Variants in MDGA2 observed in about 807,000 individuals in gnomAD.
MDGA2 encodes the protein MAM domain-containing glycosylphosphatidylinositol anchor protein 2.
Under a neutral mutation model 117.8 loss-of-function variants are expected in MDGA2, and 40 were observed. The ratio of observed to expected loss-of-function variants is 0.34; its 90% CI spans 0.26 to 0.44. The LOEUF (loss-of-function observed/expected upper bound fraction) is 0.44. Among genes scored for constraint, MDGA2 ranks in the 20% least tolerant of loss-of-function variants. MDGA2 has a pLI of 1.00. For missense variants in MDGA2, 1,123 were observed against 1,250.6 expected (o/e 0.90, Z 1.54); for synonymous variants, 452 against 439.0 (o/e 1.03, Z -0.37).
chr14:47,435,458 A>C (rs1013588514), intron 1 of MDGA2, among the ~76,000 whole-genome samples: 1 of 152,082 alleles, frequency 6.6e-6, no homozygotes, highest in African/African-American at 2.4e-5. Context: ...GGCATGGACC[A>C]CAGCAGCATG....
At chr14:47,247,987 T>C (rs1389613591) in intron 2 of MDGA2, among the ~76,000 whole-genome samples, 1 of 151,576 alleles carries the variant, frequency 6.6e-6, no homozygotes, top group African/African-American at 2.4e-5. Flanking sequence ...TCCTTTTTTT[T>C]ATGGATGCAT....
intron 6 of MDGA2, among the ~76,000 whole-genome samples, chr14:47,084,333 A>T (rs1416313101): frequency 6.6e-6 from 1 of 152,128 alleles, no homozygotes; most frequent in Non-Finnish European, 1.5e-5. Context: ...ATTAAAAAAC[A>T]AACACACTGA....
At chr14:47,430,005 G>A (rs1892767258) in intron 1 of MDGA2, among the ~76,000 whole-genome samples, 1 of 149,574 alleles carries the variant, frequency 6.7e-6, no homozygotes, top group African/African-American at 2.5e-5. Flanking sequence ...CCTGAGGTGG[G>A]AAAGAGAGGA....
intron 1 of MDGA2, among the ~76,000 whole-genome samples, chr14:47,405,623 C>A (rs577692958): frequency 6.6e-6 from 1 of 152,272 alleles, no homozygotes. Context: ...CAGAGTCTTT[C>A]CAAATACCTT....
At chr14:47,323,153 T>G (rs1385064981) in intron 1 of MDGA2, among the ~76,000 whole-genome samples, 3 of 18,272 alleles carry the variant, frequency 1.6e-4, no homozygotes, top group African/African-American at 2.6e-4. Flanking sequence ...GTCATGGATA[T>G]ATATATATAT....
At chr14:47,033,993 AAAAG>A (rs1361652120) in intron 8 of MDGA2, among the ~76,000 whole-genome samples, 1 of 152,260 alleles carries the variant, frequency 6.6e-6, no homozygotes, top group Non-Finnish European at 1.5e-5. Flanking sequence ...CCTGAGTTAC[AAAAG>A]AGTCAGACAA....
intron 1 of MDGA2, among the ~76,000 whole-genome samples, chr14:47,507,726 A>G (rs1445821612): frequency 6.6e-6 from 1 of 152,234 alleles, no homozygotes; most frequent in Non-Finnish European, 1.5e-5. Context: ...TAATACTTCT[A>G]TGGATCTTAT....
At chr14:47,328,081 C>G (rs1890194213) in intron 1 of MDGA2, among the ~76,000 whole-genome samples, 1 of 152,140 alleles carries the variant, frequency 6.6e-6, no homozygotes, top group Admixed American at 6.6e-5. Context: ...ACTGTTCTTC[C>G]TATGATAATC....
At chr14:47,186,923 A>G (rs1368889117) in intron 3 of MDGA2, among the ~76,000 whole-genome samples, 5 of 151,930 alleles carry the variant, frequency 3.3e-5, no homozygotes, top group South Asian at 2.1e-4. Context: ...ATGAGTTTAT[A>G]ATCATTTGTT....
At chr14:47,596,429 C>T (rs902721214) in intron 1 of MDGA2, among the ~76,000 whole-genome samples, 2 of 152,082 alleles carry the variant, frequency 1.3e-5, no homozygotes, top group African/African-American at 2.4e-5. Flanking sequence ...AGGCTTATTT[C>T]CATATTTATG....
At chr14:47,399,846 G>C (rs1477713423) in intron 1 of MDGA2, among the ~76,000 whole-genome samples, 2 of 152,070 alleles carry the variant, frequency 1.3e-5, no homozygotes, top group Admixed American at 6.6e-5. Flanking sequence ...TTAGAGGAAA[G>C]AAAAGTCACC....
chr14:47,263,627 T>C (rs1400390638), intron 2 of MDGA2, among the ~76,000 whole-genome samples: 1 of 152,136 alleles, frequency 6.6e-6, no homozygotes, highest in Non-Finnish European at 1.5e-5. Flanking sequence ...AATAGATTAA[T>C]CTGCATTGGA....
rs140900000 is a variant in MDGA2, at chr14:47,320,079, T to C, written c.281-18529A>G. ...AGGGGAGAGGTTTGAAGCAGATTCT[T>C]CCTTACAGCCCTCAGAAGAAACCAA... On this transcript the variant is annotated intron_variant, in intron 1 of 16. Transcript: ENST00000399232. Among the ~76,000 whole-genome samples the C allele has an allele frequency of 7.4e-3, 1,132 of 152,248 alleles. 11 individuals carry two copies. Among genetic ancestry groups the C allele is most frequent in the South Asian group, 0.038 (181 of 4,814 alleles).
At chr14:47,588,437 C>A (rs1463230561) in intron 1 of MDGA2, among the ~76,000 whole-genome samples, 1 of 151,716 alleles carries the variant, frequency 6.6e-6, no homozygotes, top group Non-Finnish European at 1.5e-5. Flanking sequence ...TCATCATTTT[C>A]ATTACAGTCA....
intron 1 of MDGA2, among the ~76,000 whole-genome samples, chr14:47,334,224 G>C (rs1890376372): frequency 6.6e-6 from 1 of 151,758 alleles, no homozygotes; most frequent in Non-Finnish European, 1.5e-5. Context: ...CTAGAGTTGA[G>C]ATATATCAGA....
intron 5 of MDGA2, among the ~76,000 whole-genome samples, chr14:47,098,160 GTGTT>G (rs1185745456): frequency 1.4e-5 from 2 of 147,432 alleles, no homozygotes; most frequent in Non-Finnish European, 3.0e-5. Flanking sequence ...CAATTGTACT[GTGTT>G]TTTTTTAATA....
chr14:46,966,625 T>A (rs1298954680), intron 8 of MDGA2, among the ~76,000 whole-genome samples: 2 of 152,166 alleles, frequency 1.3e-5, no homozygotes. Flanking sequence ...GTATTACCCA[T>A]ATATTATAAT....
At chr14:46,890,326 A>G (rs1882831786) in intron 10 of MDGA2, among the ~76,000 whole-genome samples, 1 of 152,072 alleles carries the variant, frequency 6.6e-6, no homozygotes, top group Non-Finnish European at 1.5e-5. Flanking sequence ...GTAATGAGAG[A>G]GCAGTTAATA....
chr14:47,134,022 A>G (rs773836985), intron 4 of MDGA2, among the ~76,000 whole-genome samples: 2 of 152,108 alleles, frequency 1.3e-5, no homozygotes, highest in Admixed American at 6.6e-5. Flanking sequence ...TATACATTTA[A>G]GGTATACAAC....
Sources: gnomAD v4.1 joint callset for allele counts (sites outside exome capture counted in the v4.1 genomes callset) on GRCh38, gnomAD v4.1.1 for gene constraint, MANE v1.5 for transcripts, NCBI Gene and HGNC (gene_info 2026-07-23, HGNC 2026-07-21) for gene names.